The following MAST3 variants were observed in gnomAD, a reference collection of about 807,000 sequenced individuals.
MAST3 encodes microtubule-associated serine/threonine-protein kinase 3.
In MAST3, 43 loss-of-function variants were observed where a neutral mutation model predicts 127.0. The ratio of observed to expected loss-of-function variants is 0.34; its 90% CI spans 0.27 to 0.44. MAST3 has a LOEUF of 0.44. Among genes scored for constraint, MAST3 ranks in the 20% least tolerant of loss-of-function variants. MAST3 has a pLI of 1.00. For missense variants in MAST3, 1,390 were observed against 1,919.1 expected (o/e 0.72, Z 5.15); for synonymous variants, 785 against 809.2 (o/e 0.97, Z 0.51).
rs950545896 is a variant in MAST3, at chr19:18,113,293, C to CT, written c.161+2563dup. Among the ~76,000 whole-genome samples the CT allele has an allele frequency of 3.2e-3, 469 of 146,648 alleles. 3 individuals carry two copies. Among genetic ancestry groups the CT allele is most frequent in the African/African-American group, 8.1e-3 (324 of 40,194 alleles). ...CCAGCCTCTGCAACTCCCCTGCCTC[C>CT]TTTTTTTTTTTGAGACAGTCTCGCT... On this transcript the variant is annotated intron_variant, in intron 3 of 27. Transcript: ENST00000687212.
chr19:18,142,034 T>C lies in MAST3; in HGVS notation c.2339+19T>C. 1 of 1,431,464 alleles carries C rather than the reference T, an allele frequency of 7.0e-7. No homozygotes were observed. Among genetic ancestry groups the C allele is most frequent in the Non-Finnish European group, 9.3e-7 (1 of 1,077,298 alleles). The allele number at this position is 1,431,464 out of a possible 1,614,324, so 88.7% of individuals were successfully genotyped here. ...ACATCCGGTAAGTGGCCTGGGGAAG[T>C]GTAGGCAGATCCAGCTTCCAAGCCT... On this transcript the variant is annotated intron_variant, in intron 21 of 27. Transcript: ENST00000687212.
Position 18,128,347 on chromosome 19 carries a change from G to A in MAST3, c.1079-53G>A, listed in dbSNP as rs1009129762. On this transcript the variant is annotated intron_variant, in intron 11 of 27. Coordinates refer to ENST00000687212, the MANE Select transcript of MAST3 (RefSeq NM_001393504.1). ...TAGAGGCCTCAGGAAATTGCTGGGTGATGCAGGGTGAGGCAGGGAGGCTCC... is the reference window on the plus strand; with the variant it reads ...TAGAGGCCTCAGGAAATTGCTGGGTAATGCAGGGTGAGGCAGGGAGGCTCC... 1.4e-5 allele frequency: 20 copies of A among 1,460,760 alleles called. No homozygotes were observed. The African/African-American group carries it at 2.5e-4, about 18-fold the overall frequency. The allele number at this position is 1,460,760 out of a possible 1,614,324, so 90.5% of individuals were successfully genotyped here.
chr19:18,128,811 G>A (rs2040944014), intron 12 of MAST3, 55 bp from the exon 13 acceptor site: 2 of 1,442,668 alleles, frequency 1.4e-6, no homozygotes, highest in Non-Finnish European at 9.7e-7. Flanking sequence ...GGGGGCAGGA[G>A]AAGCCTTCCC....
chr19:18,125,740 CA>C (rs940062855), intron 11 of MAST3, among the ~76,000 whole-genome samples: 32 of 123,756 alleles, frequency 2.6e-4, no homozygotes, highest in South Asian at 5.8e-4. Flanking sequence ...GACTCTGTCT[CA>C]AAAAAAAAAA....
chr19:18,115,623 CT>C (rs2039135518), intron 3 of MAST3, among the ~76,000 whole-genome samples: 1 of 151,970 alleles, frequency 6.6e-6, no homozygotes, highest in South Asian at 2.1e-4. Flanking sequence ...ACCATCTCCC[CT>C]GGTCTCAAAA....
intron 1 of MAST3, among the ~76,000 whole-genome samples, chr19:18,101,171 A>T (rs1217907098): frequency 6.6e-6 from 1 of 152,130 alleles, no homozygotes; most frequent in African/African-American, 2.4e-5. Flanking sequence ...TTTGCTTTAC[A>T]CATGACCGAA....
rs981248269 is a variant in MAST3 at position 18,145,598 on chromosome 19, G to A, written c.3040-145G>A. On this transcript the variant is annotated intron_variant, in intron 24 of 27. Coordinates refer to ENST00000687212, the MANE Select transcript of MAST3 (RefSeq NM_001393504.1). This position sits in a 1 kb window ranked among gnomAD's most constrained non-coding sequence, Gnocchi z 5.9. Reference sequence around the variant, plus strand: ...CGTAGGAGCTGGGGCTTTGATGGGTGAGTAGGAGTTCCCCCAGGATCAGGG... The same window carrying A: ...CGTAGGAGCTGGGGCTTTGATGGGTAAGTAGGAGTTCCCCCAGGATCAGGG... The A allele has an allele frequency of 2.2e-6, 2 of 899,636 alleles. No homozygotes were observed. The highest frequency in any genetic ancestry group is 3.3e-5 in the African/African-American group (1 of 30,680). 55.7% of individuals were successfully genotyped at this position (899,636 alleles called of 1,614,324 possible). A position where few individuals can be genotyped will look rare whatever the true frequency, so the allele number is the denominator to read the frequency against.
In MAST3 at chr19:18,137,233, C is replaced by A; in HGVS notation, c.1973-6C>A. The A allele has an allele frequency of 6.2e-7, 1 of 1,611,022 alleles. No individual in the cohort carries two copies. Among genetic ancestry groups the A allele is most frequent in the Non-Finnish European group, 8.5e-7 (1 of 1,178,198 alleles). ...ACCTGCAGGGCTCAGCGGGGCATAT[C>A]TGCAGGTGGCACCCACGAAGTGAAG... On this transcript the variant is annotated splice_polypyrimidine_tract_variant and splice_region_variant and intron_variant, in intron 18 of 27. Transcript: ENST00000687212.
intron 1 of MAST3, among the ~76,000 whole-genome samples, chr19:18,104,501 T>C (rs1599654302): frequency 6.6e-6 from 1 of 152,200 alleles, no homozygotes; most frequent in Admixed American, 6.6e-5. Flanking sequence ...AGCTGGGTCA[T>C]CCGGCAGCCC....
chr19:18,137,901 T>C (rs1430128009), intron 19 of MAST3, among the ~76,000 whole-genome samples: 1 of 152,122 alleles, frequency 6.6e-6, no homozygotes, highest in Admixed American at 6.6e-5. Flanking sequence ...GAACATCCTT[T>C]ATGTTGGAGA....
At chr19:18,140,387 A>G (rs191049194) in intron 20 of MAST3, among the ~76,000 whole-genome samples, 16 of 152,126 alleles carry the variant, frequency 1.1e-4, no homozygotes, top group African/African-American at 3.6e-4. Context: ...TCAAAAAATA[A>G]TGATAATAAT....
Position 18,145,627 on chromosome 19 carries a change from C to A in MAST3, c.3040-116C>A. On this transcript the variant is annotated intron_variant, in intron 24 of 27. Coordinates refer to ENST00000687212, the MANE Select transcript of MAST3 (RefSeq NM_001393504.1). The surrounding 1 kb of genome is among the most constrained non-coding windows in gnomAD (Gnocchi z 5.9). ...AGGAGTTCCCCCAGGATCAGGGAAA[C>A]TGAGACAGCACAAGAGGCAGCAGCT... 1 of 1,269,664 alleles carries A rather than the reference C, an allele frequency of 7.9e-7. No homozygotes were observed. Among genetic ancestry groups the A allele is most frequent in the Non-Finnish European group, 1.1e-6 (1 of 947,654 alleles). The allele number at this position is 1,269,664 out of a possible 1,614,324, so 78.6% of individuals were successfully genotyped here.
At chr19:18,103,055 C>T (rs949035279) in intron 1 of MAST3, among the ~76,000 whole-genome samples, 5 of 152,142 alleles carry the variant, frequency 3.3e-5, no homozygotes, top group African/African-American at 1.2e-4. Context: ...CCTCCCCAAC[C>T]TCCACTCCTC....
chr19:18,137,494 C>T lies in MAST3; in HGVS notation c.2095+133C>T, dbSNP rs1226998255. 2.9e-6 allele frequency: 3 copies of T among 1,021,416 alleles called. No individual in the cohort carries two copies. The African/African-American group carries it at 4.8e-5, about 16-fold the overall frequency. The allele number at this position is 1,021,416 out of a possible 1,614,324, so 63.3% of individuals were successfully genotyped here. A position where few individuals can be genotyped will look rare whatever the true frequency, so the allele number is the denominator to read the frequency against. ...CCTTAGGCCTGGAGCTTCCGACTTCCTGAGCCTTCCAAGAATCTAGGGCGT... is the reference window on the plus strand; with the variant it reads ...CCTTAGGCCTGGAGCTTCCGACTTCTTGAGCCTTCCAAGAATCTAGGGCGT... On this transcript the variant is annotated intron_variant, in intron 19 of 27. Transcript: ENST00000687212.
chr19:18,102,391 C>G (rs1478697113), intron 1 of MAST3, among the ~76,000 whole-genome samples: 1 of 151,528 alleles, frequency 6.6e-6, no homozygotes, highest in Admixed American at 6.6e-5. Flanking sequence ...GTTGGTCAGG[C>G]TGGTCTCGAA....
chr19:18,144,366 G>A lies in MAST3; in HGVS notation c.2585-100G>A. On this transcript the variant is annotated intron_variant, in intron 22 of 27. Coordinates refer to ENST00000687212, the MANE Select transcript of MAST3 (RefSeq NM_001393504.1). This position sits in a 1 kb window ranked among gnomAD's most constrained non-coding sequence, Gnocchi z 4.0. The stretch of plus-strand genomic sequence containing the variant: ...CTGCATGAGCAAAGGCCAGGAGGCT[G>A]GACTGTGTAAATAGTGACCAGGGAG... 9.7e-7 allele frequency: 1 copy of A among 1,035,868 alleles called. No homozygotes were observed. Among genetic ancestry groups the A allele is most frequent in the Non-Finnish European group, 1.4e-6 (1 of 697,348 alleles). 64.2% of individuals were successfully genotyped at this position (1,035,868 alleles called of 1,614,324 possible).
intron 3 of MAST3, among the ~76,000 whole-genome samples, chr19:18,116,516 A>C (rs1463364908): frequency 6.7e-6 from 1 of 149,298 alleles, no homozygotes; most frequent in Non-Finnish European, 1.5e-5. Context: ...GCTGGTCTCA[A>C]ACTCCTGACC....
chr19:18,140,336 A>T (rs1460779535), intron 20 of MAST3, among the ~76,000 whole-genome samples: 2 of 151,810 alleles, frequency 1.3e-5, no homozygotes, highest in East Asian at 3.9e-4. Context: ...CTGAGATCAC[A>T]GCGCTGCACT....
In MAST3 at chr19:18,149,404, CGCCCCT is replaced by C; in HGVS notation, c.3727_3732del (p.Leu1243_Pro1244del). 1 of 1,460,154 alleles carries C rather than the reference CGCCCCT, an allele frequency of 6.8e-7. No individual in the cohort carries two copies. Among genetic ancestry groups the C allele is most frequent in the Non-Finnish European group, 9.0e-7 (1 of 1,113,914 alleles). 90.4% of individuals were successfully genotyped at this position (1,460,154 alleles called of 1,614,324 possible). On this transcript the variant is annotated inframe_deletion, in exon 28 of 28. Coordinates refer to ENST00000687212, the MANE Select transcript of MAST3 (RefSeq NM_001393504.1). The surrounding 1 kb of genome is among the most constrained non-coding windows in gnomAD (Gnocchi z 5.9). ...TCCGCGCCCCCACCCCGCTCGCCCTCGCCCCTGCCCGGGCACCCGCCCGCACCTGCC... is the reference window on the plus strand; with the variant it reads ...TCCGCGCCCCCACCCCGCTCGCCCTCGCCCGGGCACCCGCCCGCACCTGCC...
Sources: gnomAD v4.1 joint callset for allele counts (sites outside exome capture counted in the v4.1 genomes callset) on GRCh38, gnomAD v4.1.1 for gene constraint, Gnocchi (gnomAD v3.1) non-coding constraint, MANE v1.5 for transcripts, NCBI Gene and HGNC (gene_info 2026-07-23, HGNC 2026-07-21) for gene names.